Variants in GDPD5 observed in about 807,000 individuals in gnomAD.
The protein encoded by GDPD5 is glycerophosphodiester phosphodiesterase domain containing 5, also known as glycerophosphodiester phosphodiesterase 2.
GDPD5 carries 48 observed loss-of-function variants against 75.1 expected under a neutral mutation model. That is an observed-to-expected ratio of 0.64 (90% CI 0.51 to 0.81). The LOEUF (loss-of-function observed/expected upper bound fraction) is 0.81, where lower values mean the gene tolerates loss of function less well. Ranked by LOEUF, GDPD5 falls within the 40% of genes least tolerant of loss-of-function variation. GDPD5 has a pLI of 0.00. For synonymous variants in GDPD5, 336 were observed against 339.0 expected, an observed-to-expected ratio of 0.99 and a Z score of 0.10; for missense variants, 706 against 822.6, an observed-to-expected ratio of 0.86 and a Z score of 1.73.
intron 2 of GDPD5, among the ~76,000 whole-genome samples, chr11:75,478,282 T>A (rs1182370018): frequency 6.6e-6 from 1 of 152,226 alleles, no homozygotes; most frequent in Non-Finnish European, 1.5e-5. Context: ...CCCAAGTAGC[T>A]GGGATTACAG....
At chr11:75,500,728 T>A (rs760483276) in intron 1 of GDPD5, among the ~76,000 whole-genome samples, 97 of 152,108 alleles carry the variant, frequency 6.4e-4, no homozygotes, top group Admixed American at 1.6e-3. Flanking sequence ...CTCCTCTTCC[T>A]TTCCACGCAT....
intron 14 of GDPD5, among the ~76,000 whole-genome samples, chr11:75,440,773 G>C (rs575003674): frequency 6.6e-6 from 1 of 152,154 alleles, no homozygotes; most frequent in South Asian, 2.1e-4. Flanking sequence ...GCCCAGGTTA[G>C]TCTTGTACCC....
intron 3 of GDPD5, among the ~76,000 whole-genome samples, chr11:75,463,349 A>G (rs1303810657): frequency 1.3e-5 from 2 of 152,114 alleles, no homozygotes; most frequent in Non-Finnish European, 2.9e-5. Flanking sequence ...TGCCCAGGTC[A>G]CACAGCAAGT....
At chr11:75,496,779 C>CTTTCTTTTTTTTTTTTTTTTTT (rs58663409) in intron 1 of GDPD5, among the ~76,000 whole-genome samples, 73 of 103,136 alleles carry the variant, frequency 7.1e-4, no homozygotes, top group Non-Finnish European at 9.0e-4. Context: ...TTCTTTCTTT[C>CTTTCTTTTTTTTTTTTTTTTTT]TTTTTTTTTT....
At chr11:75,496,404 G>C (rs1268925126) in intron 1 of GDPD5, among the ~76,000 whole-genome samples, 1 of 152,256 alleles carries the variant, frequency 6.6e-6, no homozygotes, top group Non-Finnish European at 1.5e-5. Context: ...GCAGGAGACT[G>C]AGAGCCAGGA....
chr11:75,479,550 T>C (rs1319429566), intron 2 of GDPD5: 2 of 152,186 alleles, frequency 1.3e-5, no homozygotes, highest in African/African-American at 4.8e-5. Context: ...GCCATAAAAT[T>C]TACCCTTTTA....
intron 3 of GDPD5, 106 bp from the exon 4 acceptor site, chr11:75,462,995 C>G: frequency 1.2e-6 from 1 of 867,946 alleles, no homozygotes; most frequent in Non-Finnish European, 1.8e-6. Flanking sequence ...GCCAAACCTG[C>G]CAGGCAGGAA....
At chr11:75,515,489 C>G (rs572019110) in intron 1 of GDPD5, among the ~76,000 whole-genome samples, 1 of 152,222 alleles carries the variant, frequency 6.6e-6, no homozygotes, top group East Asian at 1.9e-4. Flanking sequence ...CCCAGGCCTG[C>G]CCAGCCCCAC....
intron 3 of GDPD5, among the ~76,000 whole-genome samples, chr11:75,466,213 C>G (rs1480892163): frequency 6.6e-6 from 1 of 152,146 alleles, no homozygotes; most frequent in Non-Finnish European, 1.5e-5. Context: ...GTTGGGGCAA[C>G]CTAGGGATTA....
chr11:75,517,213 G>C (rs1383549492), intron 1 of GDPD5: 1 of 152,190 alleles, frequency 6.6e-6, no homozygotes, highest in Non-Finnish European at 1.5e-5. Context: ...CCAGCACTTT[G>C]GGAGGCTGAG....
chr11:75,439,801 A>T (rs1948735028), intron 15 of GDPD5, 78 bp downstream of exon 15: 2 of 1,177,250 alleles, frequency 1.7e-6, no homozygotes, highest in Admixed American at 3.4e-5. Flanking sequence ...GGCTCAGGAG[A>T]GGGTTCACCT....
chr11:75,437,126 C>G, intron 15 of GDPD5, 78 bp from the exon 16 acceptor site: 15 of 1,049,090 alleles, frequency 1.4e-5, no homozygotes, highest in Non-Finnish European at 2.2e-5. Flanking sequence ...CTTCCAGAGC[C>G]TCTCTGGATG....
chr11:75,445,492 T>A (rs1948962903), intron 9 of GDPD5, among the ~76,000 whole-genome samples: 1 of 152,214 alleles, frequency 6.6e-6, no homozygotes, highest in African/African-American at 2.4e-5. Context: ...GTCATACCCG[T>A]TGCTGCCACT....
chr11:75,499,760 C>T (rs1950272915), intron 1 of GDPD5, among the ~76,000 whole-genome samples: 1 of 152,134 alleles, frequency 6.6e-6, no homozygotes, highest in African/African-American at 2.4e-5. Flanking sequence ...GGTGTGGCCT[C>T]TTTGGAAGCA....
chr11:75,466,592 C>A (rs952977650), intron 3 of GDPD5, among the ~76,000 whole-genome samples: 3 of 152,134 alleles, frequency 2.0e-5, no homozygotes, highest in African/African-American at 7.2e-5. Context: ...TCACAGTCTG[C>A]ATAACACTAG....
intron 1 of GDPD5, among the ~76,000 whole-genome samples, chr11:75,508,566 A>C (rs1382467696): frequency 6.6e-6 from 1 of 152,010 alleles, no homozygotes; most frequent in Non-Finnish European, 1.5e-5. Flanking sequence ...TTTTTAAGAC[A>C]GGGGGAGAGT....
chr11:75,483,954 AG>A (rs1295870611), intron 2 of GDPD5, among the ~76,000 whole-genome samples: 2 of 152,180 alleles, frequency 1.3e-5, no homozygotes, highest in African/African-American at 4.8e-5. Context: ...TGGGAGGCCG[AG>A]GAGGGTGGAT....
At chr11:75,515,665 C>A (rs781180079) in intron 1 of GDPD5, among the ~76,000 whole-genome samples, 7 of 152,216 alleles carry the variant, frequency 4.6e-5, no homozygotes, top group Non-Finnish European at 8.8e-5. Context: ...GTGGCCACAT[C>A]ATGGCCAGCT....
chr11:75,486,932 G>A (rs191082152), intron 2 of GDPD5, among the ~76,000 whole-genome samples: 1 of 152,310 alleles, frequency 6.6e-6, no homozygotes, highest in Non-Finnish European at 1.5e-5. Flanking sequence ...GGCAGTGATT[G>A]GGGCTTCTCC....
Sources: allele counts gnomAD v4.1 joint callset (sites outside exome capture counted in the v4.1 genomes callset), GRCh38; gene constraint gnomAD v4.1.1; transcripts MANE v1.5; gene names NCBI Gene and HGNC (gene_info 2026-07-23, HGNC 2026-07-21).